RPH3A: variants seen among roughly 807,000 people sequenced by gnomAD.
The protein encoded by RPH3A is rabphilin 3A, also known as rabphilin-3A.
In RPH3A, 48 loss-of-function variants were observed where a neutral mutation model predicts 102.2. That is an observed-to-expected ratio of 0.47 (90% CI 0.37 to 0.60). The LOEUF is 0.60. RPH3A is among the 20% of genes least tolerant of loss of function. The pLI is 0.00. For synonymous variants in RPH3A, 310 were observed against 324.3 expected (o/e 0.96, Z 0.47); for missense variants, 781 against 910.1 (o/e 0.86, Z 1.83).
At chr12:112,811,623 T>C (rs1017970668) in intron 2 of RPH3A, among the ~76,000 whole-genome samples, 4 of 151,506 alleles carry the variant, frequency 2.6e-5, no homozygotes, top group African/African-American at 9.7e-5. Context: ...GGAGCATGCA[T>C]GTGAGGTGAC....
At chr12:112,841,714 T>TTG (rs1555215093) in intron 4 of RPH3A, among the ~76,000 whole-genome samples, 7 of 150,472 alleles carry the variant, frequency 4.7e-5, no homozygotes, top group African/African-American at 1.7e-4. Context: ...TTGGTTTTTT[T>TTG]TTTTTTTCCA....
rs931031736 is a variant in RPH3A, at chr12:112,898,031, T to A, written c.*1251T>A. On this transcript the variant is annotated 3_prime_UTR_variant, in exon 22 of 22. Coordinates refer to ENST00000389385, the MANE Select transcript of RPH3A (RefSeq NM_001143854.2). Reference sequence around the variant, plus strand: ...GTTTCATTGACTCTTTTGCATCCCATCTCTCACTCAGAACCCCCTCCAGTC... The same window carrying A: ...GTTTCATTGACTCTTTTGCATCCCAACTCTCACTCAGAACCCCCTCCAGTC... 6.6e-6 allele frequency: 1 copy of A among 152,260 alleles called. No individual in the cohort carries two copies. The highest frequency in any genetic ancestry group is 2.4e-5 in the African/African-American group (1 of 41,462). The allele number at this position is 152,260 out of a possible 1,614,324, so 9.4% of individuals were successfully genotyped here.
chr12:112,591,179 T>C (rs958362374), intron 1 of RPH3A, among the ~76,000 whole-genome samples: 2 of 149,968 alleles, frequency 1.3e-5, no homozygotes, highest in Non-Finnish European at 3.0e-5. Context: ...GTCAAACTCC[T>C]GGGCTCAATG....
chr12:112,599,260 T>G (rs943461001), intron 1 of RPH3A, among the ~76,000 whole-genome samples: 8 of 152,188 alleles, frequency 5.3e-5, no homozygotes, highest in Non-Finnish European at 1.0e-4. Flanking sequence ...TGGGTGCTTA[T>G]AAGGCTTATG....
intron 1 of RPH3A, among the ~76,000 whole-genome samples, chr12:112,649,831 T>TGGCTTGCAGACGGCTGCCTTCTC (rs1328356990): frequency 4.6e-5 from 7 of 152,356 alleles, no homozygotes; most frequent in African/African-American, 1.7e-4. Context: ...CTTCCCTCCC[T>TGGCTTGCAGACGGCTGCCTTCTC]GGCTTGCAGA....
intron 1 of RPH3A, among the ~76,000 whole-genome samples, chr12:112,731,782 G>T (rs1232366394): frequency 6.6e-6 from 1 of 152,152 alleles, no homozygotes; most frequent in Non-Finnish European, 1.5e-5. Flanking sequence ...TATGGAGACA[G>T]GTGTTTTGTT....
chr12:112,888,809 G>A (rs2043045928), intron 17 of RPH3A, among the ~76,000 whole-genome samples: 1 of 152,214 alleles, frequency 6.6e-6, no homozygotes, highest in South Asian at 2.1e-4. Flanking sequence ...AGATTTGTGG[G>A]GGTCTCCCCT....
chr12:112,762,029 T>C (rs1166712298), intron 1 of RPH3A, among the ~76,000 whole-genome samples: 2 of 152,198 alleles, frequency 1.3e-5, no homozygotes, highest in African/African-American at 4.8e-5. Flanking sequence ...GGGGCGATGA[T>C]AATAGCACTT....
At chr12:112,748,660 A>G (rs1053660148) in intron 1 of RPH3A, among the ~76,000 whole-genome samples, 2 of 152,086 alleles carry the variant, frequency 1.3e-5, no homozygotes, top group African/African-American at 4.8e-5. Context: ...ACATTCTTAT[A>G]TAATTGCTAT....
chr12:112,827,759 G>T (rs149736168), intron 2 of RPH3A, among the ~76,000 whole-genome samples: 1 of 152,068 alleles, frequency 6.6e-6, no homozygotes, highest in Non-Finnish European at 1.5e-5. Context: ...GGGGTGGGGG[G>T]CCAGGGGAGG....
chr12:112,621,496 A>G (rs1432805540), intron 1 of RPH3A, among the ~76,000 whole-genome samples: 11 of 147,740 alleles, frequency 7.4e-5, no homozygotes, highest in Non-Finnish European at 1.5e-4. Flanking sequence ...TGCGCTTTTC[A>G]GACCGGCTTA....
In RPH3A at chr12:112,868,535, C is replaced by T. The variant is rs1308329860; in HGVS notation, c.550C>T (p.Pro184Ser). Residue 184 changes from proline (P) to serine (S), a missense_variant, in exon 8 of 22, where the codon CCT (proline) becomes TCT (serine). Coordinates refer to ENST00000389385, the MANE Select transcript of RPH3A (RefSeq NM_001143854.2). ...KTKPQQPVSE[P>S]AAPEQPAPEP... ...CAAGCCCCAGCAGCCTGTCAGTGAG[C>T]CTGCTGCCCCTGAACAGCCTGCTCC... 2 of 1,614,052 alleles carry T rather than the reference C, an allele frequency of 1.2e-6. No individual in the cohort carries two copies. Among genetic ancestry groups the T allele is most frequent in the African/African-American group, 2.7e-5 (2 of 74,928 alleles).
intron 1 of RPH3A, among the ~76,000 whole-genome samples, chr12:112,651,288 T>C (rs12307300): frequency 0.013 from 1,986 of 151,898 alleles, 59 homozygotes; most frequent in African/African-American, 0.046. Context: ...GCTTGAACCC[T>C]GGTGGAGGTG....
intron 5 of RPH3A, among the ~76,000 whole-genome samples, chr12:112,850,607 C>G (rs1329604229): frequency 6.6e-6 from 1 of 152,212 alleles, no homozygotes; most frequent in Non-Finnish European, 1.5e-5. Flanking sequence ...CTGCAGCCAG[C>G]CCTTGCTGGT....
intron 1 of RPH3A, among the ~76,000 whole-genome samples, chr12:112,618,059 T>G (rs2135978457): frequency 6.6e-6 from 1 of 152,316 alleles, no homozygotes; most frequent in African/African-American, 2.4e-5. Flanking sequence ...CTTCCAAGTC[T>G]TAGTGTGATT....
chr12:112,638,186 A>G (rs2039861221), intron 1 of RPH3A, among the ~76,000 whole-genome samples: 2 of 151,800 alleles, frequency 1.3e-5, no homozygotes, highest in South Asian at 4.2e-4. Context: ...CTCTCTCACC[A>G]CCTGATTTCT....
intron 1 of RPH3A, among the ~76,000 whole-genome samples, chr12:112,629,761 CAATAAT>C (rs976787656): frequency 6.6e-6 from 1 of 151,582 alleles, no homozygotes; most frequent in Non-Finnish European, 1.5e-5. Context: ...TTAATTGGGT[CAATAAT>C]AATAATAATA....
At chr12:112,772,891 C>T (rs553812838) in intron 1 of RPH3A, among the ~76,000 whole-genome samples, 2 of 152,086 alleles carry the variant, frequency 1.3e-5, no homozygotes, top group African/African-American at 2.4e-5. Context: ...CCCCCTCCCA[C>T]TCTTCCCCTC....
intron 1 of RPH3A, among the ~76,000 whole-genome samples, chr12:112,664,575 G>GC (rs2040071623): frequency 6.6e-6 from 1 of 152,162 alleles, no homozygotes; most frequent in Admixed American, 6.5e-5. Flanking sequence ...TGCTGGATTG[G>GC]CCCCCTGGGG....
Sources: allele counts gnomAD v4.1 joint callset (sites outside exome capture counted in the v4.1 genomes callset), GRCh38; gene constraint gnomAD v4.1.1; transcripts MANE v1.5; gene names NCBI Gene and HGNC (gene_info 2026-07-23, HGNC 2026-07-21).